Variants in SLIT3 observed in about 807,000 individuals in gnomAD.
The protein encoded by SLIT3 is slit guidance ligand 3.
Under a neutral mutation model 184.0 loss-of-function variants are expected in SLIT3, and 68 were observed. The ratio of observed to expected loss-of-function variants is 0.37; its 90% CI spans 0.30 to 0.45. The LOEUF (loss-of-function observed/expected upper bound fraction) is 0.45. Ranked by LOEUF, SLIT3 falls within the 20% of genes least tolerant of loss-of-function variation. The pLI is 1.00. For synonymous variants in SLIT3, 831 were observed against 828.6 expected, an observed-to-expected ratio of 1.00 and a Z score of -0.05; for missense variants, 1,707 against 2,026.0, an observed-to-expected ratio of 0.84 and a Z score of 3.02.
In SLIT3 at chr5:168,823,266, C is replaced by T. The variant is rs749757252; in HGVS notation, c.623G>A (p.Arg208Gln). ...VTSFNHMPKI[R>Q]TLRLHSNHLY... Reference sequence around the variant, plus strand: ...GCACAGACTTCTTACTCACAGAGTTCGGATCTTCGGCATGTGGTTGAAGCT... The same window carrying T: ...GCACAGACTTCTTACTCACAGAGTTTGGATCTTCGGCATGTGGTTGAAGCT... Residue 208 changes from arginine to glutamine, a missense_variant, in exon 7 of 36, where the codon CGA becomes CAA. By Grantham distance (43) the Arg-to-Gln change is conservative. Transcript: ENST00000519560. 8.7e-6 allele frequency: 14 copies of T among 1,613,404 alleles called. No homozygotes were observed. Among genetic ancestry groups the T allele is most frequent in the South Asian group, 3.3e-5 (3 of 91,056 alleles).
In SLIT3 at chr5:168,669,999, C is replaced by T. The variant is rs1451159746; in HGVS notation, c.4128-8G>A. On this transcript the variant is annotated splice_polypyrimidine_tract_variant and splice_region_variant and intron_variant, in intron 34 of 35. Transcript: ENST00000519560. ...CATTTTCCATGGTGGCATCTAGGGG[C>T]AGAGAGGAGGATGAGAAGGGAACTG... 6.2e-7 allele frequency: 1 copy of T among 1,613,264 alleles called. No homozygotes were observed. Among genetic ancestry groups the T allele is most frequent in the East Asian group, 2.2e-5 (1 of 44,878 alleles).
chr5:168,881,032 C>T (rs1160220936), intron 5 of SLIT3, among the ~76,000 whole-genome samples: 3 of 152,214 alleles, frequency 2.0e-5, no homozygotes, highest in Non-Finnish European at 4.4e-5. Flanking sequence ...ATTAGAGGTA[C>T]ACAGTATTCA....
intron 26 of SLIT3, among the ~76,000 whole-genome samples, chr5:168,701,358 C>T (rs1339024768): frequency 6.6e-6 from 1 of 152,158 alleles, no homozygotes; most frequent in African/African-American, 2.4e-5. Flanking sequence ...GAGTGGGGTC[C>T]AGGCTTTGGT....
chr5:168,673,091 G>T (rs1025861454), intron 33 of SLIT3, 86 bp downstream of exon 33: 20 of 1,346,668 alleles, frequency 1.5e-5, no homozygotes, highest in Admixed American at 9.5e-5. Flanking sequence ...AGCCTTCCCT[G>T]ATTGGCTTTG....
intron 1 of SLIT3, among the ~76,000 whole-genome samples, chr5:169,279,472 A>C (rs1766925361): frequency 6.6e-6 from 1 of 152,200 alleles, no homozygotes; most frequent in Non-Finnish European, 1.5e-5. Context: ...GCATACATAC[A>C]GAAAAGGAAG....
chr5:168,833,604 A>G (rs1757949209), intron 6 of SLIT3, among the ~76,000 whole-genome samples: 1 of 152,236 alleles, frequency 6.6e-6, no homozygotes, highest in African/African-American at 2.4e-5. Flanking sequence ...TGAATGCAAA[A>G]CGTTCCCTCT....
intron 4 of SLIT3, among the ~76,000 whole-genome samples, chr5:169,061,773 G>A (rs991793945): frequency 3.3e-5 from 5 of 152,136 alleles, no homozygotes; most frequent in African/African-American, 1.2e-4. Flanking sequence ...GGAAAATGCT[G>A]GATCATCATT....
Position 168,696,955 on chromosome 5 carries a change from C to T in SLIT3, c.2943-524G>A, listed in dbSNP as rs139709702. Among the ~76,000 whole-genome samples, 67 of 152,240 alleles carry T rather than the reference C, an allele frequency of 4.4e-4. 2 individuals carry two copies. In the South Asian group the frequency reaches 5.4e-3, roughly 12 times the overall value. Reference sequence around the variant, plus strand: ...GGTCCCAGACTCTGTACCCAGGTTTCCTGGGAATGAATTCCTGTTGATACA... The same window carrying T: ...GGTCCCAGACTCTGTACCCAGGTTTTCTGGGAATGAATTCCTGTTGATACA... On this transcript the variant is annotated intron_variant, in intron 27 of 35. Transcript: ENST00000519560.
intron 3 of SLIT3, among the ~76,000 whole-genome samples, chr5:169,195,377 G>A (rs297839): frequency 0.034 from 5,229 of 152,258 alleles, 326 homozygotes; most frequent in African/African-American, 0.12. Flanking sequence ...TGTCAAGAGG[G>A]TGCTACTCAG....
rs1336426534 is a variant in SLIT3, at chr5:169,300,310, G to A, written c.197+203C>T. On this transcript the variant is annotated intron_variant, in intron 1 of 35. Transcript: ENST00000519560. This position sits in a 1 kb window ranked among gnomAD's most constrained non-coding sequence, Gnocchi z 4.1. ...GGAGAGGCACTGCTCTTTGCCCATC[G>A]CTGGGGGTTTCGAGACCTCTCTTTC... Among the ~76,000 whole-genome samples, 1 of 152,204 alleles carries A rather than the reference G, an allele frequency of 6.6e-6. No homozygotes were observed. Among genetic ancestry groups the A allele is most frequent in the Non-Finnish European group, 1.5e-5 (1 of 68,040 alleles).
chr5:169,047,088 C>T (rs114273355), intron 4 of SLIT3, among the ~76,000 whole-genome samples: 161 of 152,212 alleles, frequency 1.1e-3, no homozygotes, highest in Middle Eastern at 3.4e-3. Flanking sequence ...CTAAAAAAAC[C>T]CCACAACAAT....
intron 23 of SLIT3, among the ~76,000 whole-genome samples, chr5:168,719,116 A>G (rs1249919045): frequency 2.0e-5 from 3 of 152,346 alleles, no homozygotes; most frequent in East Asian, 3.9e-4. Context: ...CAGTGGCTCA[A>G]TCACTGCTTA....
chr5:169,285,092 T>C (rs1767110729), intron 1 of SLIT3, among the ~76,000 whole-genome samples: 2 of 152,066 alleles, frequency 1.3e-5, no homozygotes, highest in Admixed American at 6.5e-5. Flanking sequence ...GTTATCTTTA[T>C]ATTTTGTACA....
intron 4 of SLIT3, among the ~76,000 whole-genome samples, chr5:169,063,666 CATAA>C (rs1758252264): frequency 6.6e-6 from 1 of 152,152 alleles, no homozygotes; most frequent in Non-Finnish European, 1.5e-5. Flanking sequence ...ATGCGGACAC[CATAA>C]ATCAGGACCC....
chr5:168,996,328 C>A (rs1264019501), intron 4 of SLIT3, among the ~76,000 whole-genome samples: 1 of 152,136 alleles, frequency 6.6e-6, no homozygotes, highest in Non-Finnish European at 1.5e-5. Context: ...TGAGCTCCAA[C>A]TATCCTTTCC....
intron 4 of SLIT3, among the ~76,000 whole-genome samples, chr5:169,138,854 A>G (rs1357031839): frequency 6.6e-6 from 1 of 152,198 alleles, no homozygotes; most frequent in Non-Finnish European, 1.5e-5. Context: ...CCTAAGTGAT[A>G]TTATCATGGG....
chr5:168,953,799 G>A (rs767604329), intron 4 of SLIT3, among the ~76,000 whole-genome samples: 10 of 152,128 alleles, frequency 6.6e-5, no homozygotes, highest in Non-Finnish European at 1.3e-4. Flanking sequence ...ATTTACTCTC[G>A]GCCCAGGGAA....
intron 4 of SLIT3, among the ~76,000 whole-genome samples, chr5:169,105,813 T>C (rs1760183257): frequency 6.6e-6 from 1 of 152,234 alleles, no homozygotes; most frequent in African/African-American, 2.4e-5. Flanking sequence ...CTGCATAGTA[T>C]TCCACGGTGT....
intron 15 of SLIT3, 101 bp from the exon 16 acceptor site, chr5:168,761,037 T>G: frequency 1.1e-6 from 1 of 880,974 alleles, no homozygotes; most frequent in Non-Finnish European, 1.9e-6. Flanking sequence ...TCACACTCGG[T>G]GAAGGACCAC....
Sources: allele counts gnomAD v4.1 joint callset (sites outside exome capture counted in the v4.1 genomes callset), GRCh38; gene constraint gnomAD v4.1.1; non-coding constraint Gnocchi (gnomAD v3.1); transcripts MANE v1.5; gene names NCBI Gene and HGNC (gene_info 2026-07-23, HGNC 2026-07-21).